CENPP: variants seen among roughly 807,000 people sequenced by gnomAD.
CENPP encodes the protein centromere protein P.
CENPP carries 24 observed loss-of-function variants against 35.6 expected under a neutral mutation model. That is an observed-to-expected ratio of 0.67 (90% confidence interval 0.49 to 0.95). CENPP has a LOEUF of 0.95. Ranked by LOEUF, CENPP falls within the 40% of genes least tolerant of loss-of-function variation. The pLI is 0.00. For missense variants in CENPP, 332 were observed against 345.3 expected, an observed-to-expected ratio of 0.96 and a Z score of 0.31; for synonymous variants, 120 against 125.5, an observed-to-expected ratio of 0.96 and a Z score of 0.29.
intron 4 of CENPP, among the ~76,000 whole-genome samples, chr9:92,366,362 A>C (rs537012864): frequency 1.8e-4 from 28 of 152,294 alleles, no homozygotes; most frequent in African/African-American, 6.3e-4. Context: ...GATGATTACC[A>C]ATACTTGGGG....
In CENPP at chr9:92,386,004, T is replaced by C. The variant is rs142519348; in HGVS notation, c.564+6145T>C. 1.4e-4 allele frequency among the ~76,000 whole-genome samples: 21 copies of C among 152,338 alleles called. No homozygotes were observed. The East Asian group carries it at 4.0e-3, about 29-fold the overall frequency. The stretch of plus-strand genomic sequence containing the variant: ...TACTGTGCTGGTCTACTTGTTATGC[T>C]CTGGATGGAATCTGGACTTCTGGGA... On this transcript the variant is annotated intron_variant, in intron 5 of 7. Coordinates refer to ENST00000375587, the MANE Select transcript of CENPP (RefSeq NM_001012267.3).
chr9:92,481,426 C>CA (rs1248947864), intron 5 of CENPP, among the ~76,000 whole-genome samples: 1 of 152,130 alleles, frequency 6.6e-6, no homozygotes, highest in Non-Finnish European at 1.5e-5. Context: ...ACAACCCCCT[C>CA]AGGTTCTTTA....
rs367868889 is a variant in CENPP at position 92,552,080 on chromosome 9, C to CAT, written c.565-59229_565-59228dup. 1.8e-3 allele frequency among the ~76,000 whole-genome samples: 131 copies of CAT among 74,674 alleles called. 32 individuals are homozygous for CAT. Among genetic ancestry groups the CAT allele is most frequent in the African/African-American group, 7.8e-3 (77 of 9,902 alleles). The allele number at this position is 74,674 out of a possible 152,430, so 49.0% of individuals were successfully genotyped here. ...CATATATGTGATATGATAGATCTAT[C>CAT]ATATATGTGATATGATAGATCTATC... is the stretch of plus-strand genomic sequence containing the variant. On this transcript the variant is annotated intron_variant, in intron 5 of 7. Transcript: ENST00000375587.
intron 4 of CENPP, among the ~76,000 whole-genome samples, chr9:92,368,329 A>G (rs1019498843): frequency 5.3e-5 from 8 of 152,200 alleles, no homozygotes; most frequent in Non-Finnish European, 1.2e-4. Flanking sequence ...ATACATGCAA[A>G]TATTCCAAAA....
At chr9:92,410,303 A>G (rs72752460) in intron 5 of CENPP, among the ~76,000 whole-genome samples, 4,673 of 152,280 alleles carry the variant, frequency 0.031, 112 homozygotes, top group South Asian at 0.084. Context: ...AGTACCAAAA[A>G]ATGATTGTTA....
intron 5 of CENPP, among the ~76,000 whole-genome samples, chr9:92,549,646 CA>C (rs377339429): frequency 3.3e-4 from 30 of 90,558 alleles, no homozygotes; most frequent in Admixed American, 8.4e-4. Context: ...GACTCCGTCT[CA>C]AAAAAAAAAA....
chr9:92,619,177 A>G lies in CENPP; in HGVS notation c.*6028A>G, dbSNP rs1851542451. 4 of 296,656 alleles carry G rather than the reference A, an allele frequency of 1.3e-5. No homozygotes were observed. Among genetic ancestry groups the G allele is most frequent in the Non-Finnish European group, 2.6e-5 (4 of 154,912 alleles). 18.4% of individuals were successfully genotyped at this position (296,656 alleles called of 1,614,324 possible). A position where few individuals can be genotyped will look rare whatever the true frequency, so the allele number is the denominator to read the frequency against. On this transcript the variant is annotated 3_prime_UTR_variant, in exon 8 of 8. Coordinates refer to ENST00000375587, the MANE Select transcript of CENPP (RefSeq NM_001012267.3). Reference sequence around the variant, plus strand: ...CTCAGGGGCTGGCTTTCTTTGAGGGAATGCAATGGGCAGCTCACTGTCCAC... The same window carrying G: ...CTCAGGGGCTGGCTTTCTTTGAGGGGATGCAATGGGCAGCTCACTGTCCAC...
chr9:92,568,959 A>T (rs368571232), intron 5 of CENPP, among the ~76,000 whole-genome samples: 8 of 151,880 alleles, frequency 5.3e-5, no homozygotes, highest in Admixed American at 2.0e-4. Flanking sequence ...TTGTTTAAGT[A>T]CTTTGTAGAT....
intron 5 of CENPP, among the ~76,000 whole-genome samples, chr9:92,546,644 C>T (rs910747352): frequency 6.6e-5 from 10 of 152,266 alleles, no homozygotes; most frequent in African/African-American, 1.2e-4. Context: ...ACTCTGGACA[C>T]GCTGCCTTTA....
intron 5 of CENPP, among the ~76,000 whole-genome samples, chr9:92,407,794 G>A (rs1454267127): frequency 2.6e-5 from 4 of 152,012 alleles, no homozygotes; most frequent in African/African-American, 9.7e-5. Context: ...TAAAAGAATT[G>A]TAGAGACGGG....
intron 5 of CENPP, chr9:92,456,818 G>T: frequency 3.1e-6 from 1 of 319,080 alleles, no homozygotes; most frequent in Non-Finnish European, 4.5e-6. Flanking sequence ...AAATATTACA[G>T]TACTACCCAA....
chr9:92,471,685 T>C (rs1206913827), intron 5 of CENPP, among the ~76,000 whole-genome samples: 1 of 149,608 alleles, frequency 6.7e-6, no homozygotes, highest in Non-Finnish European at 1.5e-5. Context: ...TTTTTTTAAC[T>C]TGAGACAGTC....
intron 5 of CENPP, among the ~76,000 whole-genome samples, chr9:92,572,571 A>G (rs1405511295): frequency 6.6e-6 from 1 of 152,022 alleles, no homozygotes. Context: ...TGTGTCTTGG[A>G]GTTGCTCTTC....
intron 5 of CENPP, among the ~76,000 whole-genome samples, chr9:92,505,077 C>G (rs989502256): frequency 6.6e-6 from 1 of 152,198 alleles, no homozygotes; most frequent in African/African-American, 2.4e-5. Context: ...CTTCTTTGTA[C>G]AACACTTGTA....
At chr9:92,406,163 C>T (rs536304259) in intron 5 of CENPP, among the ~76,000 whole-genome samples, 2 of 152,218 alleles carry the variant, frequency 1.3e-5, no homozygotes, top group South Asian at 4.1e-4. Context: ...GGGATCATCA[C>T]GTGCTCCCCT....
In CENPP at chr9:92,615,592, A is replaced by G; in HGVS notation, c.*2443A>G. ...AGAACGTCTTCCCAGGGCTTAACGGACACTTCCATTTTAAGAGTGTGAGCA... is the reference window on the plus strand; with the variant it reads ...AGAACGTCTTCCCAGGGCTTAACGGGCACTTCCATTTTAAGAGTGTGAGCA... On this transcript the variant is annotated 3_prime_UTR_variant, in exon 8 of 8. Coordinates refer to ENST00000375587, the MANE Select transcript of CENPP (RefSeq NM_001012267.3). The G allele has an allele frequency of 2.0e-6, 1 of 499,868 alleles. No homozygotes were observed. Among genetic ancestry groups the G allele is most frequent in the Non-Finnish European group, 3.6e-6 (1 of 276,048 alleles). 31.0% of individuals were successfully genotyped at this position (499,868 alleles called of 1,614,324 possible).
chr9:92,530,026 A>T (rs533679579), intron 5 of CENPP, among the ~76,000 whole-genome samples: 1 of 152,306 alleles, frequency 6.6e-6, no homozygotes, highest in Non-Finnish European at 1.5e-5. Context: ...CATAGCCTAT[A>T]CAGTGTATTA....
chr9:92,526,997 A>G (rs1021892133), intron 5 of CENPP, among the ~76,000 whole-genome samples: 1 of 148,246 alleles, frequency 6.7e-6, no homozygotes, highest in Admixed American at 6.7e-5. Flanking sequence ...ATGTGTAGAT[A>G]TGTTTATTAT....
intron 5 of CENPP, among the ~76,000 whole-genome samples, chr9:92,521,002 G>A (rs561756910): frequency 3.9e-5 from 6 of 152,282 alleles, no homozygotes; most frequent in South Asian, 2.1e-4. Flanking sequence ...TTGGTGGGAC[G>A]AAAATGTGCA....
Sources: allele counts gnomAD v4.1 joint callset (sites outside exome capture counted in the v4.1 genomes callset), GRCh38; gene constraint gnomAD v4.1.1; transcripts MANE v1.5; gene names NCBI Gene and HGNC (gene_info 2026-07-23, HGNC 2026-07-21).